Variants in TMEM164 observed in about 807,000 individuals in gnomAD.
The protein encoded by TMEM164 is RP13-360B22.2.
In TMEM164, 4 loss-of-function variants were observed where a neutral mutation model predicts 18.8. That is an observed-to-expected ratio of 0.21 (90% CI 0.10 to 0.49). TMEM164 has a LOEUF of 0.49. Among genes scored for constraint, TMEM164 ranks in the 20% least tolerant of loss-of-function variants. TMEM164 has a pLI of 0.98. For missense variants in TMEM164, 108 were observed against 239.9 expected (o/e 0.45, Z 3.63); for synonymous variants, 86 against 101.7 (o/e 0.85, Z 0.93).
chrX:110,179,961 G>A (rs898558532), downstream of TMEM164, among the ~76,000 whole-genome samples: 12 of 112,213 alleles, frequency 1.1e-4, no homozygotes, highest in Non-Finnish European at 1.9e-4. Flanking sequence ...CCTGGATGGG[G>A]CTGGGATGCC....
intron 3 of TMEM164, among the ~76,000 whole-genome samples, chrX:110,101,582 T>G (rs1183808302): frequency 9.9e-6 from 1 of 100,570 alleles, no homozygotes. Flanking sequence ...TTTTATTGAT[T>G]TTTTTTTTTT....
At chrX:110,034,324 G>T (rs905180976) in intron 2 of TMEM164, among the ~76,000 whole-genome samples, 1 of 112,149 alleles carries the variant, frequency 8.9e-6, no homozygotes, top group Non-Finnish European at 1.9e-5. Context: ...TCATGATGTG[G>T]AAATAGACCT....
chrX:110,162,778 A>C (rs1003371103), intron 5 of TMEM164, among the ~76,000 whole-genome samples: 6 of 111,612 alleles, frequency 5.4e-5, no homozygotes, highest in Non-Finnish European at 1.1e-4. Context: ...CAGGAACCAA[A>C]CTTGTCATTC....
chrX:110,093,653 A>AT (rs1228264840), intron 3 of TMEM164, among the ~76,000 whole-genome samples: 15 of 111,060 alleles, frequency 1.4e-4, no homozygotes, highest in Non-Finnish European at 2.5e-4. Flanking sequence ...GGATTCATTG[A>AT]TTTTTTTGAA....
At chrX:110,004,197 A>G in intron 2 of TMEM164, 33 bp downstream of exon 2, 4 of 1,166,478 alleles carry the variant, frequency 3.4e-6, no homozygotes, top group Non-Finnish European at 4.6e-6. Flanking sequence ...GGGCATCCTA[A>G]GTGATAAGAG....
chrX:110,052,940 A>G (rs1439552272), intron 2 of TMEM164, among the ~76,000 whole-genome samples: 5 of 109,236 alleles, frequency 4.6e-5, no homozygotes, highest in Non-Finnish European at 9.5e-5. Flanking sequence ...TTTAGTAGAG[A>G]CGGGGTTTCA....
At position 110,176,735 on chromosome X, in the gene TMEM164, G is replaced by A. The variant is rs2067294421; in HGVS notation, c.*3284G>A. ...CCTGGGGGTAAGCTAGGTGGCTCAG[G>A]GAGTGGCAGAAGGGCCATTTTTCCC... On this transcript the variant is annotated 3_prime_UTR_variant, in exon 7 of 7. Transcript: ENST00000372068. The A allele has an allele frequency of 9.0e-6, 1 of 111,344 alleles. No homozygotes were observed. The allele number at this position is 111,344 out of a possible 1,213,427, so 9.2% of individuals were successfully genotyped here.
rs1932469035 is a variant in TMEM164, at chrX:110,003,481, T to C, written c.-274-20T>C. The C allele has an allele frequency of 8.1e-6, 2 of 248,107 alleles. No individual in the cohort carries two copies. The highest frequency in any genetic ancestry group is 6.6e-5 in the Admixed American group (1 of 15,176). The allele number at this position is 248,107 out of a possible 1,213,427, so 20.4% of individuals were successfully genotyped here. On this transcript the variant is annotated intron_variant, in intron 1 of 6. Transcript: ENST00000372068. ...CTCTTTGAGACCTCTTTTTTTTTTT[T>C]TTCCTCTCCTTCCTTTTAGATTGGC...
chrX:110,157,552 G>A lies in TMEM164; in HGVS notation c.586+12676G>A, dbSNP rs145432452. 1.8e-3 allele frequency among the ~76,000 whole-genome samples: 198 copies of A among 111,600 alleles called. 1 individual carries two copies. The highest frequency in any genetic ancestry group is 5.5e-3 in the African/African-American group (170 of 30,635). On this transcript the variant is annotated intron_variant, in intron 5 of 6. Transcript: ENST00000372068. ...CCCAGTAGAGCCAGGGAACATTGAA[G>A]GTACCAGAGAGAAAGGGGAGTGGAT...
chrX:110,013,603 C>A (rs1209172851), intron 2 of TMEM164, among the ~76,000 whole-genome samples: 13 of 111,615 alleles, frequency 1.2e-4, no homozygotes, highest in Non-Finnish European at 2.4e-4. Context: ...CAGCGGGGAT[C>A]CTGACTTAAG....
chrX:110,111,557 G>A (rs1355498470), intron 4 of TMEM164, among the ~76,000 whole-genome samples: 3 of 111,918 alleles, frequency 2.7e-5, no homozygotes, highest in African/African-American at 9.8e-5. Context: ...TCTCCCCCTA[G>A]GCTAATAGAG....
chrX:110,003,765 C>T lies in TMEM164; in HGVS notation c.-10C>T, dbSNP rs1932497413. ...CTTCCTGTACTGTGGTCAAGGGGAA[C>T]CACTGCATCATGTCCCGGTATAGCT... On this transcript the variant is annotated 5_prime_UTR_variant, in exon 2 of 7. Coordinates refer to ENST00000372068, the MANE Select transcript of TMEM164 (RefSeq NM_032227.4). 4.2e-6 allele frequency: 5 copies of T among 1,187,384 alleles called. No homozygotes were observed. In the South Asian group the frequency reaches 7.6e-5, roughly 18 times the overall value.
chrX:110,123,192 A>C (rs2066476658), intron 4 of TMEM164, among the ~76,000 whole-genome samples: 1 of 112,173 alleles, frequency 8.9e-6, no homozygotes, highest in Non-Finnish European at 1.9e-5. Context: ...CCATTGAAAT[A>C]TCTTGGTATC....
intron 2 of TMEM164, among the ~76,000 whole-genome samples, chrX:110,025,762 C>G (rs1487650998): frequency 8.9e-6 from 1 of 111,968 alleles, no homozygotes. Flanking sequence ...GGCCTCTGGT[C>G]TCAGTAAGAA....
downstream of TMEM164, among the ~76,000 whole-genome samples, chrX:110,178,910 C>A (rs983764760): frequency 2.2e-4 from 25 of 112,332 alleles, no homozygotes; most frequent in African/African-American, 8.1e-4. Flanking sequence ...ACATGCTCTC[C>A]ACTCTCCACC....
chrX:110,179,414 C>G (rs1265333084), downstream of TMEM164, among the ~76,000 whole-genome samples: 1 of 112,070 alleles, frequency 8.9e-6, no homozygotes, highest in East Asian at 2.8e-4. Context: ...ATGTAGCATA[C>G]AAGCCCTGGG....
At chrX:110,105,749 A>AGGAGAGAGAG (rs1569331132) in intron 3 of TMEM164, among the ~76,000 whole-genome samples, 1 of 53,929 alleles carries the variant, frequency 1.9e-5, no homozygotes, top group East Asian at 5.8e-4. Flanking sequence ...GAGAGAGAGA[A>AGGAGAGAGAG]TGAGAGAGAG....
intron 2 of TMEM164, among the ~76,000 whole-genome samples, chrX:110,008,600 T>C (rs1003225871): frequency 9.0e-6 from 1 of 111,638 alleles, no homozygotes; most frequent in Non-Finnish European, 1.9e-5. Context: ...AATTTTTCCA[T>C]CTTTCATTGT....
intron 3 of TMEM164, among the ~76,000 whole-genome samples, chrX:110,095,509 T>C (rs2066002446): frequency 8.9e-6 from 1 of 112,240 alleles, no homozygotes; most frequent in Non-Finnish European, 1.9e-5. Flanking sequence ...CTAGTTCTCA[T>C]GTCATGGTTT....
Sources: allele counts gnomAD v4.1 joint callset (sites outside exome capture counted in the v4.1 genomes callset), GRCh38; gene constraint gnomAD v4.1.1; transcripts MANE v1.5; gene names NCBI Gene and HGNC (gene_info 2026-07-23, HGNC 2026-07-21).